NGLY1: variants seen among roughly 807,000 people sequenced by gnomAD.
NGLY1 encodes N-glycanase 1.
A neutral mutation model predicts 84.6 loss-of-function variants in NGLY1; 68 were observed. The ratio of observed to expected loss-of-function variants is 0.80; its 90% CI spans 0.66 to 0.98. The LOEUF (loss-of-function observed/expected upper bound fraction) is 0.98, where lower values mean the gene tolerates loss of function less well. Among genes scored for constraint, NGLY1 ranks in the 50% least tolerant of loss-of-function variants. The probability of loss-of-function intolerance (pLI) is 0.00; values close to 1 mark genes in which losing one functional copy is unlikely to be tolerated. For missense variants in NGLY1, 779 were observed against 770.2 expected (o/e 1.01, Z -0.14); for synonymous variants, 280 against 275.2 (o/e 1.02, Z -0.17).
In NGLY1 at chr3:25,740,034, A is replaced by C. The variant is rs571735825; in HGVS notation, c.659-235T>G. Among the ~76,000 whole-genome samples, 21 of 152,322 alleles carry C rather than the reference A, an allele frequency of 1.4e-4. No individual in the cohort carries two copies. In the South Asian group the frequency reaches 2.5e-3, roughly 18 times the overall value. On this transcript the variant is annotated intron_variant, in intron 4 of 11. Transcript: ENST00000280700. The stretch of plus-strand genomic sequence containing the variant: ...AACATTTACCATTTTATATCCTCTA[A>C]CTGACATTATGCATTAACAAGTGAG...
Position 25,741,701 on chromosome 3 carries a change from A to T in NGLY1, c.659-1902T>A, listed in dbSNP as rs183951757. The stretch of plus-strand genomic sequence containing the variant: ...GTAACATGTCTAACAAAGAAAAGAT[A>T]AATTTCTGGACGGGCACGGTGGCTC... On this transcript the variant is annotated intron_variant, in intron 4 of 11. Transcript: ENST00000280700. Among the ~76,000 whole-genome samples the T allele has an allele frequency of 3.9e-3, 594 of 152,292 alleles. 4 individuals carry two copies. Among genetic ancestry groups the T allele is most frequent in the African/African-American group, 0.014 (567 of 41,564 alleles).
chr3:25,783,146 T>A lies in NGLY1; in HGVS notation c.131+114A>T. ...GCAGAACCAGCTCCAGGTCCCGGTC[T>A]GTCCGGGCGTCGCTGCCCTCTGAAG... On this transcript the variant is annotated intron_variant, in intron 1 of 11. Coordinates refer to ENST00000280700, the MANE Select transcript of NGLY1 (RefSeq NM_018297.4). The surrounding 1 kb of genome is among the most constrained non-coding windows in gnomAD (Gnocchi z 4.5). 1 of 971,150 alleles carries A rather than the reference T, an allele frequency of 1.0e-6. No homozygotes were observed. Among genetic ancestry groups the A allele is most frequent in the Non-Finnish European group, 1.5e-6 (1 of 655,990 alleles). 60.2% of individuals were successfully genotyped at this position (971,150 alleles called of 1,614,324 possible). A position where few individuals can be genotyped will look rare whatever the true frequency, so the allele number is the denominator to read the frequency against.
upstream of NGLY1, among the ~76,000 whole-genome samples, chr3:25,786,841 C>T (rs1386480796): frequency 1.3e-5 from 2 of 152,100 alleles, no homozygotes; most frequent in Non-Finnish European, 2.9e-5. Flanking sequence ...GAGAAATGCA[C>T]AAAAAGTGCA....
In NGLY1 at chr3:25,768,112, CAAAAAAAAAAAA is replaced by C. The variant is rs1165791295; in HGVS notation, c.247-3813_247-3802del. ...TGGGCGACAGAGCAAGACTCCATCT[CAAAAAAAAAAAA>C]AAAAAAAAAAAAGATTGGCCAGGTG... On this transcript the variant is annotated intron_variant, in intron 2 of 11. Transcript: ENST00000280700. 8.1e-5 allele frequency among the ~76,000 whole-genome samples: 4 copies of C among 49,152 alleles called. No individual in the cohort carries two copies. The South Asian group carries it at 2.5e-3, about 31-fold the overall frequency. 32.2% of individuals were successfully genotyped at this position (49,152 alleles called of 152,430 possible).
In NGLY1 at chr3:25,776,982, G is replaced by A. The variant is rs183946406; in HGVS notation, c.246+1592C>T. Among the ~76,000 whole-genome samples, 382 of 152,232 alleles carry A rather than the reference G, an allele frequency of 2.5e-3. 2 individuals carry two copies. The highest frequency in any genetic ancestry group is 8.7e-3 in the African/African-American group (360 of 41,538). On this transcript the variant is annotated intron_variant, in intron 2 of 11. Coordinates refer to ENST00000280700, the MANE Select transcript of NGLY1 (RefSeq NM_018297.4). ...ACAAACCACTACCATTTCTTATTTAGACTAATGTAATAAGCTTTCTAACCG... is the reference window on the plus strand; with the variant it reads ...ACAAACCACTACCATTTCTTATTTAAACTAATGTAATAAGCTTTCTAACCG...
At chr3:25,753,602 G>C (rs1239916767) in intron 3 of NGLY1, among the ~76,000 whole-genome samples, 1 of 151,988 alleles carries the variant, frequency 6.6e-6, no homozygotes, top group Non-Finnish European at 1.5e-5. Context: ...CTTATGGGAA[G>C]ATGTTGGTAG....
intron 1 of NGLY1, among the ~76,000 whole-genome samples, chr3:25,781,943 C>A (rs931445561): frequency 2.6e-5 from 4 of 152,124 alleles, no homozygotes; most frequent in African/African-American, 9.7e-5. Context: ...GAGAACCCAG[C>A]CTATCAGTTC....
intron 2 of NGLY1, among the ~76,000 whole-genome samples, chr3:25,772,130 C>A (rs1707925739): frequency 1.3e-5 from 2 of 152,274 alleles, no homozygotes; most frequent in Admixed American, 1.3e-4. Context: ...ATGCTTTCTA[C>A]TTTTCCCTGT....
chr3:25,769,919 T>C (rs1707813461), intron 2 of NGLY1, among the ~76,000 whole-genome samples: 1 of 152,158 alleles, frequency 6.6e-6, no homozygotes, highest in Non-Finnish European at 1.5e-5. Flanking sequence ...GTATAGTCTT[T>C]TATCCCTCGC....
At chr3:25,786,620 A>G (rs78519588), upstream of NGLY1, among the ~76,000 whole-genome samples, 1,838 of 152,282 alleles carry the variant, frequency 0.012, 35 homozygotes, top group African/African-American at 0.042. Flanking sequence ...CCTTTATATA[A>G]TGGATTCCCT....
At chr3:25,733,511 GTGTGTA>G (rs1319361531) in intron 8 of NGLY1, among the ~76,000 whole-genome samples, 1,403 of 131,722 alleles carry the variant, frequency 0.011, 20 homozygotes, top group African/African-American at 0.037. Context: ...GTGTGTGTGT[GTGTGTA>G]TGTACATACA....
At chr3:25,753,059 T>C (rs1320886432) in intron 3 of NGLY1, among the ~76,000 whole-genome samples, 1 of 151,270 alleles carries the variant, frequency 6.6e-6, no homozygotes, top group Non-Finnish European at 1.5e-5. Flanking sequence ...AAAACAGAAA[T>C]AAATTTCTCA....
rs139234024 is a variant in NGLY1, at chr3:25,748,055, G to T, written c.658+3043C>A. Among the ~76,000 whole-genome samples the T allele has an allele frequency of 1.2e-3, 188 of 152,098 alleles. 1 individual carries two copies. In the South Asian group the frequency reaches 0.013, roughly 11 times the overall value. ...TTCTTCACAATTAAGGCCTCTCCAGGGAAAAAGATTTTACCAGAGTCTTCT... is the reference window on the plus strand; with the variant it reads ...TTCTTCACAATTAAGGCCTCTCCAGTGAAAAAGATTTTACCAGAGTCTTCT... On this transcript the variant is annotated intron_variant, in intron 4 of 11. Coordinates refer to ENST00000280700, the MANE Select transcript of NGLY1 (RefSeq NM_018297.4).
intron 1 of NGLY1, among the ~76,000 whole-genome samples, chr3:25,780,783 TA>T (rs1424695130): frequency 1.3e-5 from 2 of 151,538 alleles, no homozygotes; most frequent in African/African-American, 4.9e-5. Context: ...CACGCCTGGC[TA>T]TTTTTTTTTT....
intron 2 of NGLY1, chr3:25,777,732 G>C (rs1286634704): frequency 1.3e-5 from 2 of 152,120 alleles, no homozygotes; most frequent in African/African-American, 4.8e-5. Context: ...CACTCATCTT[G>C]TTTTCACATC....
intron 8 of NGLY1, among the ~76,000 whole-genome samples, 159 bp downstream of exon 8, chr3:25,733,713 A>G (rs935003606): frequency 1.1e-4 from 17 of 152,196 alleles, no homozygotes; most frequent in African/African-American, 3.4e-4. Flanking sequence ...ATGAACAAAA[A>G]GAATATTTTT....
chr3:25,756,687 T>A (rs1334727743), intron 3 of NGLY1, among the ~76,000 whole-genome samples: 1 of 152,232 alleles, frequency 6.6e-6, no homozygotes, highest in Non-Finnish European at 1.5e-5. Flanking sequence ...CACTGCTGCT[T>A]GAGTCCTCCA....
At chr3:25,752,064 TACA>T (rs111923191) in intron 3 of NGLY1, among the ~76,000 whole-genome samples, 3 of 152,272 alleles carry the variant, frequency 2.0e-5, no homozygotes, top group African/African-American at 7.2e-5. Context: ...CATATGGATC[TACA>T]ACAACTGTGG....
chr3:25,783,432 G>A lies in NGLY1; in HGVS notation c.-42C>T, dbSNP rs1030587529. 20 of 1,511,964 alleles carry A rather than the reference G, an allele frequency of 1.3e-5. No homozygotes were observed. The African/African-American group carries it at 1.7e-4, about 13-fold the overall frequency. 93.7% of individuals were successfully genotyped at this position (1,511,964 alleles called of 1,614,324 possible). ...GCGCCGCCGCCGCCCCTCGCTCTCC[G>A]CGTCCCACACTGAGCAGGCGCCTCA... is the stretch of plus-strand genomic sequence containing the variant. On this transcript the variant is annotated 5_prime_UTR_variant, in exon 1 of 12. Coordinates refer to ENST00000280700, the MANE Select transcript of NGLY1 (RefSeq NM_018297.4). This position sits in a 1 kb window ranked among gnomAD's most constrained non-coding sequence, Gnocchi z 4.5.
Sources: allele counts gnomAD v4.1 joint callset (sites outside exome capture counted in the v4.1 genomes callset), GRCh38; gene constraint gnomAD v4.1.1; non-coding constraint Gnocchi (gnomAD v3.1); transcripts MANE v1.5; gene names NCBI Gene and HGNC (gene_info 2026-07-23, HGNC 2026-07-21).